LMTK2: variants seen among roughly 807,000 people sequenced by gnomAD.
LMTK2 encodes serine/threonine-protein kinase LMTK2.
Under a neutral mutation model 127.5 loss-of-function variants are expected in LMTK2, and 37 were observed. That is an observed-to-expected ratio of 0.29 (90% CI 0.22 to 0.38). The LOEUF (loss-of-function observed/expected upper bound fraction) is 0.38. LMTK2 is among the 10% of genes least tolerant of loss of function. The pLI, the probability that LMTK2 is intolerant of heterozygous loss-of-function variation, is 1.00. For synonymous variants in LMTK2, 819 were observed against 810.1 expected (o/e 1.01, Z -0.19); for missense variants, 1,694 against 1,920.3 (o/e 0.88, Z 2.20).
rs1414148289 is a variant in LMTK2, at chr7:98,140,110, C to CG, written c.232-1287_232-1286insG. Reference sequence around the variant, plus strand: ...TCTTTCTTTCTTTCTTTCTTTCTTTCTTTCTTTCTTTCTTTCTTTCTTTCT... The same window carrying CG: ...TCTTTCTTTCTTTCTTTCTTTCTTTCGTTTCTTTCTTTCTTTCTTTCTTTCT... On this transcript the variant is annotated intron_variant, in intron 2 of 13. Coordinates refer to ENST00000297293, the MANE Select transcript of LMTK2 (RefSeq NM_014916.4). Among the ~76,000 whole-genome samples, 3 of 4,066 alleles carry CG rather than the reference C, an allele frequency of 7.4e-4. 1 individual carries two copies. In the East Asian group the frequency reaches 0.031, roughly 42 times the overall value. 2.7% of individuals were successfully genotyped at this position (4,066 alleles called of 152,430 possible). A position where few individuals can be genotyped will look rare whatever the true frequency, so the allele number is the denominator to read the frequency against.
At chr7:98,155,048 G>A (rs1444842670) in intron 5 of LMTK2, among the ~76,000 whole-genome samples, 172 bp downstream of exon 5, 1 of 152,164 alleles carries the variant, frequency 6.6e-6, no homozygotes, top group Non-Finnish European at 1.5e-5. Context: ...AGCATTCCAA[G>A]AACCAGGAGA....
intron 11 of LMTK2, 57 bp from the exon 12 acceptor site, chr7:98,203,517 A>C (rs1797739610): frequency 1.9e-6 from 3 of 1,542,798 alleles, no homozygotes; most frequent in Non-Finnish European, 2.6e-6. Flanking sequence ...AAGCGGTCAC[A>C]CGGGGGGTTC....
In LMTK2 at chr7:98,206,437, A is replaced by C. The variant is rs1797798047; in HGVS notation, c.*945A>C. 6.6e-6 allele frequency: 1 copy of C among 152,154 alleles called. No individual in the cohort carries two copies. Among genetic ancestry groups the C allele is most frequent in the South Asian group, 2.1e-4 (1 of 4,832 alleles). The allele number at this position is 152,154 out of a possible 1,614,324, so 9.4% of individuals were successfully genotyped here. ...AAAAACCAACAGGTTGTGGCCGCAG[A>C]CCTCAGATGGACCCGGCCCATCCCT... On this transcript the variant is annotated 3_prime_UTR_variant, in exon 14 of 14. Transcript: ENST00000297293.
intron 11 of LMTK2, among the ~76,000 whole-genome samples, chr7:98,199,715 G>A (rs1242426749): frequency 3.9e-5 from 6 of 152,144 alleles, no homozygotes; most frequent in Admixed American, 6.5e-5. Context: ...GGCTGGTCTC[G>A]AACTCCTGAG....
In LMTK2 at chr7:98,124,264, G is replaced by T. The variant is rs551358364; in HGVS notation, c.104-13051G>T. Among the ~76,000 whole-genome samples the T allele has an allele frequency of 4.6e-5, 7 of 152,312 alleles. No homozygotes were observed. The East Asian group carries it at 1.4e-3, about 29-fold the overall frequency. On this transcript the variant is annotated intron_variant, in intron 1 of 13. Transcript: ENST00000297293. The stretch of plus-strand genomic sequence containing the variant: ...TGCTTTCGTCCCCTGCTCTGTCATG[G>T]AGTGGGAAGAGCTTGCACTCTGAGC...
chr7:98,193,013 C>T lies in LMTK2; in HGVS notation c.2548C>T (p.Pro850Ser). The change falls in exon 11 of 14, where the codon CCG becomes TCG. Residue 850 changes from proline (P) to serine (S), a missense_variant. Physicochemically the swap from Pro to Ser is moderately conservative, Grantham distance 74 (BLOSUM62 -1). Around this residue, in one of 8 missense-constraint regions of LMTK2, gnomAD observed 527 missense variants for 539.8 expected, o/e 0.98. Coordinates refer to ENST00000297293, the MANE Select transcript of LMTK2 (RefSeq NM_014916.4). This position sits in a 1 kb window ranked among gnomAD's most constrained non-coding sequence, Gnocchi z 4.1. ...TQPTCLDVIV[P>S]EDCLHQDISP... ...GCCCACGTGTTTAGATGTTATTGTC[C>T]CGGAGGACTGTCTCCACCAGGACAT... is the stretch of plus-strand genomic sequence containing the variant. 1 of 1,614,004 alleles carries T rather than the reference C, an allele frequency of 6.2e-7. No individual in the cohort carries two copies. The highest frequency in any genetic ancestry group is 8.5e-7 in the Non-Finnish European group (1 of 1,180,016).
At position 98,192,089 on chromosome 7, in the gene LMTK2, GC is replaced by G; in HGVS notation, c.1627del (p.His543ThrfsTer13). 1 of 1,565,002 alleles carries G rather than the reference GC, an allele frequency of 6.4e-7. No homozygotes were observed. The highest frequency in any genetic ancestry group is 8.6e-7 in the Non-Finnish European group (1 of 1,157,136). On this transcript the variant is annotated frameshift_variant, in exon 11 of 14. Coordinates refer to ENST00000297293, the MANE Select transcript of LMTK2 (RefSeq NM_014916.4). LOFTEE classifies it high-confidence loss of function. ...CCCTGGAGTGGTTCCTGTTTTTGAT[GC>G]CCACAACCTTTCTGTTGGAAGCGAC... ...RVPGVVPVFD[A>X]HNLSVGSDYY...
At position 98,204,097 on chromosome 7, in the gene LMTK2, C is replaced by T. The variant is rs202016789; in HGVS notation, c.4394C>T (p.Ser1465Leu). Residue 1465 changes from serine to leucine, a missense_variant, in exon 13 of 14, where the codon TCG becomes TTG. Around this residue, in one of 8 missense-constraint regions of LMTK2, gnomAD observed 554 missense variants for 567.7 expected, o/e 0.98. Coordinates refer to ENST00000297293, the MANE Select transcript of LMTK2 (RefSeq NM_014916.4). ...AGCACGGAGCAGAGCTGGCCGCACT[C>T]GGCGCCTTACTCCCGGTTCTCCATC... is the stretch of plus-strand genomic sequence containing the variant. ...ARSTEQSWPH[S>L]APYSRFSISP... The T allele has an allele frequency of 5.6e-5, 91 of 1,613,414 alleles. No individual in the cohort carries two copies. The Middle Eastern group carries it at 8.2e-4, about 15-fold the overall frequency.
intron 5 of LMTK2, among the ~76,000 whole-genome samples, chr7:98,157,667 C>G (rs1361361071): frequency 3.5e-5 from 5 of 143,296 alleles, no homozygotes; most frequent in Admixed American, 2.8e-4. Flanking sequence ...AAAAATGAAC[C>G]ATTGACACAT....
intron 1 of LMTK2, 50 bp from the exon 2 acceptor site, chr7:98,137,265 G>A (rs1221344962): frequency 6.4e-7 from 1 of 1,556,838 alleles, no homozygotes; most frequent in Non-Finnish European, 8.7e-7. Flanking sequence ...ACTAATTAAA[G>A]TTGATTTTGG....
At chr7:98,188,186 C>T (rs1039315942) in intron 9 of LMTK2, among the ~76,000 whole-genome samples, 19 of 152,136 alleles carry the variant, frequency 1.2e-4, no homozygotes, top group African/African-American at 4.6e-4. Context: ...AGTAATCACT[C>T]TTCTACTCTC....
intron 3 of LMTK2, among the ~76,000 whole-genome samples, chr7:98,142,838 C>T (rs902049140): frequency 6.6e-6 from 1 of 152,232 alleles, no homozygotes; most frequent in African/African-American, 2.4e-5. Flanking sequence ...CTTTGCATAT[C>T]TGCTGAATCT....
intron 3 of LMTK2, among the ~76,000 whole-genome samples, chr7:98,149,632 A>G (rs916820685): frequency 2.0e-5 from 3 of 152,110 alleles, no homozygotes; most frequent in Non-Finnish European, 2.9e-5. Context: ...AGAATGCATC[A>G]TAAACCTAAA....
At position 98,190,830 on chromosome 7, in the gene LMTK2, C is replaced by G; in HGVS notation, c.1101C>G (p.Asp367Glu). The change falls in exon 10 of 14, where the codon GAC becomes GAG. Residue 367 changes from aspartate (D) to glutamate (E), a missense_variant. Physicochemically the swap from Asp to Glu is conservative, Grantham distance 45. Transcript: ENST00000297293. ...TCAACCAAGTCATTAGAGAGAGAGA[C>G]ACAAAACTCCCGAAGCCCCAGCTGG... ...DVLNQVIRER[D>E]TKLPKPQLEQ... 1 of 1,614,014 alleles carries G rather than the reference C, an allele frequency of 6.2e-7. No homozygotes were observed. Among genetic ancestry groups the G allele is most frequent in the Non-Finnish European group, 8.5e-7 (1 of 1,179,920 alleles).
chr7:98,156,492 A>G (rs915434420), intron 5 of LMTK2, among the ~76,000 whole-genome samples: 3 of 152,156 alleles, frequency 2.0e-5, no homozygotes, highest in Admixed American at 1.3e-4. Flanking sequence ...TAATGAAAAA[A>G]TAGTGACAAT....
In LMTK2 at chr7:98,194,666, A is replaced by G; in HGVS notation, c.4107+94A>G. 1 of 1,158,542 alleles carries G rather than the reference A, an allele frequency of 8.6e-7. No individual in the cohort carries two copies. Among genetic ancestry groups the G allele is most frequent in the Non-Finnish European group, 1.2e-6 (1 of 840,606 alleles). The allele number at this position is 1,158,542 out of a possible 1,614,324, so 71.8% of individuals were successfully genotyped here. ...GAGTGTGGTCTGTTTTCTAGTTGCC[A>G]TTTTGAGGCAGCAGATTGTGATTAC... On this transcript the variant is annotated intron_variant, in intron 11 of 13. Transcript: ENST00000297293. This position sits in a 1 kb window ranked among gnomAD's most constrained non-coding sequence, Gnocchi z 5.4.
chr7:98,156,024 A>C (rs573008823), intron 5 of LMTK2, among the ~76,000 whole-genome samples: 2 of 152,300 alleles, frequency 1.3e-5, no homozygotes, highest in South Asian at 2.1e-4. Flanking sequence ...CTCAACAGAA[A>C]AAAAAAACCT....
chr7:98,121,196 A>G (rs1330177494), intron 1 of LMTK2, among the ~76,000 whole-genome samples: 1 of 152,202 alleles, frequency 6.6e-6, no homozygotes, highest in Non-Finnish European at 1.5e-5. Flanking sequence ...TGCGATGCGC[A>G]TGCACACACG....
intron 11 of LMTK2, among the ~76,000 whole-genome samples, chr7:98,201,865 C>A (rs541838550): frequency 1.3e-5 from 2 of 152,306 alleles, no homozygotes; most frequent in Admixed American, 1.3e-4. Context: ...CTGCTTCAGC[C>A]ACCCAAAGTG....
Sources: gnomAD v4.1 joint callset for allele counts (sites outside exome capture counted in the v4.1 genomes callset) on GRCh38, gnomAD v4.1.1 for gene constraint, gnomAD v4.1.1 regional missense constraint, Gnocchi (gnomAD v3.1) non-coding constraint, MANE v1.5 for transcripts, NCBI Gene and HGNC (gene_info 2026-07-23, HGNC 2026-07-21) for gene names.